DSCAM: variants seen among roughly 807,000 people sequenced by gnomAD.
The protein encoded by DSCAM is cell adhesion molecule DSCAM.
DSCAM carries 47 observed loss-of-function variants against 217.7 expected under a neutral mutation model. That is an observed-to-expected ratio of 0.22 (90% confidence interval 0.17 to 0.28). The LOEUF is 0.28. Ranked by LOEUF, DSCAM falls within the 10% of genes least tolerant of loss-of-function variation. DSCAM has a pLI of 1.00. For missense variants in DSCAM, 2,080 were observed against 2,618.3 expected (o/e 0.79, Z 4.49); for synonymous variants, 1,056 against 1,015.3 (o/e 1.04, Z -0.76).
At chr21:40,805,094 GC>G (rs2091774355) in intron 1 of DSCAM, among the ~76,000 whole-genome samples, 1 of 152,092 alleles carries the variant, frequency 6.6e-6, no homozygotes, top group African/African-American at 2.4e-5. Flanking sequence ...CTCCCAAATG[GC>G]CTTCTAGAAT....
intron 4 of DSCAM, among the ~76,000 whole-genome samples, chr21:40,355,252 C>T (rs7278328): frequency 0.017 from 2,581 of 152,308 alleles, 75 homozygotes; most frequent in African/African-American, 0.058. Flanking sequence ...GGGACAGACT[C>T]TCTGAGAAGA....
At chr21:40,394,497 A>G (rs1202222295) in intron 3 of DSCAM, among the ~76,000 whole-genome samples, 1 of 152,194 alleles carries the variant, frequency 6.6e-6, no homozygotes, top group Non-Finnish European at 1.5e-5. Flanking sequence ...TACATACACA[A>G]TGCATCTGAC....
intron 28 of DSCAM, among the ~76,000 whole-genome samples, chr21:40,056,957 C>T (rs1311731525): frequency 2.6e-5 from 4 of 152,242 alleles, no homozygotes; most frequent in African/African-American, 9.6e-5. Context: ...AATGAGGACT[C>T]ATCCACTCTT....
At chr21:40,664,484 G>A (rs4818153) in intron 3 of DSCAM, among the ~76,000 whole-genome samples, 121,399 of 152,130 alleles carry the variant, frequency 0.8, 50,190 homozygotes, top group East Asian at 0.98. Flanking sequence ...GCTCCTGATG[G>A]CACAGCACCC....
rs542709287 is a variant in DSCAM, at chr21:40,637,568, AAT to A, written c.508+55240_508+55241del. On this transcript the variant is annotated intron_variant, in intron 3 of 32. Transcript: ENST00000400454. Reference sequence around the variant, plus strand: ...ATATATATAAATATATACATATATAAATATATATAAATATATACATATATAAA... The same window carrying A: ...ATATATATAAATATATACATATATAAATATATAAATATATACATATATAAA... Among the ~76,000 whole-genome samples the A allele has an allele frequency of 2.8e-4, 11 of 39,126 alleles. 3 individuals carry two copies. In the East Asian group the frequency reaches 3.9e-3, roughly 14 times the overall value. The allele number at this position is 39,126 out of a possible 152,430, so 25.7% of individuals were successfully genotyped here. A position where few individuals can be genotyped will look rare whatever the true frequency, so the allele number is the denominator to read the frequency against.
At chr21:40,398,576 AT>A (rs1025844795) in intron 3 of DSCAM, among the ~76,000 whole-genome samples, 39 of 152,050 alleles carry the variant, frequency 2.6e-4, no homozygotes, top group Non-Finnish European at 2.4e-4. Context: ...CTTTGGAATT[AT>A]GCATACACAC....
intron 11 of DSCAM, among the ~76,000 whole-genome samples, chr21:40,241,091 G>A (rs1297963760): frequency 1.3e-5 from 2 of 152,182 alleles, no homozygotes; most frequent in Non-Finnish European, 2.9e-5. Context: ...AATATTTCAT[G>A]ACAAAGACTC....
intron 1 of DSCAM, among the ~76,000 whole-genome samples, chr21:40,782,739 TA>T (rs1172036659): frequency 2.0e-5 from 3 of 150,956 alleles, no homozygotes; most frequent in Non-Finnish European, 2.9e-5. Context: ...AAAAAATAAA[TA>T]AATATAAAAT....
At chr21:40,215,176 G>C (rs551381400) in intron 11 of DSCAM, among the ~76,000 whole-genome samples, 632 of 29,290 alleles carry the variant, frequency 0.022, 184 homozygotes, top group Non-Finnish European at 0.036. Flanking sequence ...CCGAGATTGC[G>C]CCACTGCAGT....
At chr21:40,392,584 T>C (rs2075143718) in intron 3 of DSCAM, among the ~76,000 whole-genome samples, 1 of 152,174 alleles carries the variant, frequency 6.6e-6, no homozygotes, top group South Asian at 2.1e-4. Flanking sequence ...CAAGTTCTTG[T>C]AACACTGGAA....
intron 9 of DSCAM, among the ~76,000 whole-genome samples, chr21:40,306,657 T>A (rs2123476899): frequency 6.6e-6 from 1 of 152,002 alleles, no homozygotes; most frequent in Admixed American, 6.6e-5. Context: ...CATGAAGGGT[T>A]GTTGAATTTT....
chr21:40,613,824 C>G (rs1421600925), intron 3 of DSCAM, among the ~76,000 whole-genome samples: 3 of 151,368 alleles, frequency 2.0e-5, no homozygotes, highest in African/African-American at 7.3e-5. Context: ...AAAGGCAATC[C>G]AATTAAAATG....
At chr21:40,269,645 TC>T (rs1358831150) in intron 11 of DSCAM, among the ~76,000 whole-genome samples, 1 of 152,052 alleles carries the variant, frequency 6.6e-6, no homozygotes, top group Non-Finnish European at 1.5e-5. Flanking sequence ...AGGGCTGGAG[TC>T]CCTCTGAAGT....
At chr21:40,823,125 G>C (rs551257395) in intron 1 of DSCAM, among the ~76,000 whole-genome samples, 4 of 152,156 alleles carry the variant, frequency 2.6e-5, no homozygotes, top group Non-Finnish European at 5.9e-5. Context: ...ACTCCAGCCA[G>C]GGTGACAAAG....
intron 1 of DSCAM, among the ~76,000 whole-genome samples, chr21:40,782,230 C>G (rs918188645): frequency 5.3e-5 from 8 of 151,984 alleles, no homozygotes; most frequent in African/African-American, 1.9e-4. Flanking sequence ...AAATTAAGCC[C>G]CACTCTCCAA....
At chr21:40,767,620 C>T (rs758316987) in intron 1 of DSCAM, among the ~76,000 whole-genome samples, 5 of 152,186 alleles carry the variant, frequency 3.3e-5, no homozygotes, top group Non-Finnish European at 5.9e-5. Flanking sequence ...ATCAGCCTGT[C>T]GTATATTTAG....
At chr21:40,015,872 C>A (rs2088148376) in intron 32 of DSCAM, among the ~76,000 whole-genome samples, 1 of 152,250 alleles carries the variant, frequency 6.6e-6, no homozygotes, top group African/African-American at 2.4e-5. Flanking sequence ...TTGAGCTGGA[C>A]TGACGCTGGG....
At chr21:40,809,864 T>A (rs1028909876) in intron 1 of DSCAM, among the ~76,000 whole-genome samples, 2 of 152,118 alleles carry the variant, frequency 1.3e-5, no homozygotes, top group African/African-American at 4.8e-5. Context: ...TCACAAGCAC[T>A]AGGAAAAGGG....
intron 32 of DSCAM, among the ~76,000 whole-genome samples, chr21:40,017,072 T>C (rs1293975093): frequency 2.0e-5 from 3 of 146,704 alleles, no homozygotes; most frequent in Admixed American, 1.4e-4. Context: ...GATTGCACTC[T>C]ATCCTGGGCA....
Sources: gnomAD v4.1 joint callset for allele counts (sites outside exome capture counted in the v4.1 genomes callset) on GRCh38, gnomAD v4.1.1 for gene constraint, MANE v1.5 for transcripts, NCBI Gene and HGNC (gene_info 2026-07-23, HGNC 2026-07-21) for gene names.